Variants in TNRC6A observed in about 807,000 individuals in gnomAD.
TNRC6A encodes trinucleotide repeat containing adaptor 6A.
TNRC6A carries 44 observed loss-of-function variants against 221.2 expected under a neutral mutation model. The observed-to-expected ratio is 0.20, with a 90% CI of 0.16 to 0.26. The LOEUF is 0.26. TNRC6A is among the 10% of genes least tolerant of loss of function. The probability of loss-of-function intolerance (pLI) is 1.00; values close to 1 mark genes in which losing one functional copy is unlikely to be tolerated. For synonymous variants in TNRC6A, 847 were observed against 838.5 expected, an observed-to-expected ratio of 1.01 and a Z score of -0.18; for missense variants, 2,199 against 2,404.4, an observed-to-expected ratio of 0.91 and a Z score of 1.79.
rs1272300885 is a variant in TNRC6A, at chr16:24,636,838, T to C, written n.277-4046T>C. On this transcript the variant is annotated intron_variant and non_coding_transcript_variant, in intron 1 of 2. Coordinates refer to the TNRC6A transcript ENST00000566108. ...AGAAAGTTCAGATATTCCCTATTAA[T>C]AGATATTTCTGAACCTTTTTAACTT... Among the ~76,000 whole-genome samples, 4 of 152,326 alleles carry C rather than the reference T, an allele frequency of 2.6e-5. No individual in the cohort carries two copies. The East Asian group carries it at 7.7e-4, about 29-fold the overall frequency.
intron 2 of TNRC6A, among the ~76,000 whole-genome samples, chr16:24,745,530 G>T (rs2056986893): frequency 6.6e-6 from 1 of 152,212 alleles, no homozygotes; most frequent in Non-Finnish European, 1.5e-5. Context: ...ACATACAGCT[G>T]GCTTCTATGT....
chr16:24,625,395 C>A (rs1234704827), intron 1 of TNRC6A, among the ~76,000 whole-genome samples: 1 of 152,026 alleles, frequency 6.6e-6, no homozygotes, highest in Non-Finnish European at 1.5e-5. Context: ...GGGCGGATCA[C>A]AAGGTCAGGA....
At chr16:24,690,064 C>CA in intron 2 of TNRC6A, among the ~76,000 whole-genome samples, 1 of 144,740 alleles carries the variant, frequency 6.9e-6, no homozygotes, top group Non-Finnish European at 1.5e-5. Flanking sequence ...TTCTGTCACC[C>CA]AGGCTGGAAC....
Position 24,823,672 on chromosome 16 carries a change from C to G in TNRC6A, c.5754C>G (p.Leu1918=), listed in dbSNP as rs766058266. 1 of 1,611,228 alleles carries G rather than the reference C, an allele frequency of 6.2e-7. No homozygotes were observed. Among genetic ancestry groups the G allele is most frequent in the Non-Finnish European group, 8.5e-7 (1 of 1,178,110 alleles). ...GTGGAGACCTTCACGGCACTTCACTCTGGGGGACCCCGCATTATTCCACAA... is the reference window on the plus strand; with the variant it reads ...GTGGAGACCTTCACGGCACTTCACTGTGGGGGACCCCGCATTATTCCACAA... ...TNCGDLHGTS[L]WGTPHYSTSL... is the part of the protein sequence containing the mutation. Residue 1918 remains leucine, a synonymous_variant, in exon 25 of 25, where the codon CTC becomes CTG. Transcript: ENST00000395799. This position sits in a 1 kb window ranked among gnomAD's most constrained non-coding sequence, Gnocchi z 4.3.
chr16:24,636,701 A>G (rs913668520), intron 1 of TNRC6A, among the ~76,000 whole-genome samples: 3 of 152,158 alleles, frequency 2.0e-5, no homozygotes, highest in African/African-American at 7.2e-5. Flanking sequence ...AACTGTTTTG[A>G]CAGTAGTAAG....
intron 2 of TNRC6A, among the ~76,000 whole-genome samples, chr16:24,711,227 C>T (rs1013260318): frequency 5.9e-5 from 9 of 151,994 alleles, no homozygotes; most frequent in African/African-American, 2.2e-4. Context: ...AGGCTGGTCT[C>T]GAACTCCTGA....
intron 18 of TNRC6A, among the ~76,000 whole-genome samples, chr16:24,810,736 A>G (rs1168370558): frequency 2.0e-5 from 3 of 152,198 alleles, no homozygotes; most frequent in African/African-American, 7.2e-5. Flanking sequence ...GTGTGGTGCA[A>G]ATCATGGAAA....
chr16:24,744,703 G>A (rs1040863323), intron 2 of TNRC6A, among the ~76,000 whole-genome samples: 4 of 152,144 alleles, frequency 2.6e-5, no homozygotes, highest in Non-Finnish European at 2.9e-5. Context: ...CTTCCTAAGG[G>A]GAAGACATGC....
intron 5 of TNRC6A, 127 bp from the exon 6 acceptor site, chr16:24,789,105 G>A (rs2151857039): frequency 1.0e-6 from 1 of 957,634 alleles, no homozygotes; most frequent in Non-Finnish European, 1.5e-6. Flanking sequence ...ATTCTGCCAA[G>A]GATCATAGCT....
chr16:24,619,484 T>C (rs771198956), intron 1 of TNRC6A, among the ~76,000 whole-genome samples: 53 of 152,188 alleles, frequency 3.5e-4, no homozygotes, highest in Admixed American at 1.8e-3. Context: ...AGATACAATG[T>C]AGTAAATTAT....
In TNRC6A at chr16:24,820,283, C is replaced by T; in HGVS notation, c.5225C>T (p.Pro1742Leu). 2 of 1,614,144 alleles carry T rather than the reference C, an allele frequency of 1.2e-6. No homozygotes were observed. Among genetic ancestry groups the T allele is most frequent in the Non-Finnish European group, 8.5e-7 (1 of 1,180,034 alleles). The change falls in exon 22 of 25, where the codon CCA (proline) becomes CTA (leucine). Residue 1742 changes from proline (P) to leucine (L), a missense_variant. Pro to Leu is a moderately conservative substitution (Grantham distance 98, BLOSUM62 -3). This residue lies in a region of TNRC6A where 449 missense variants were observed against 579.7 expected (regional missense o/e 0.77). Coordinates refer to ENST00000395799, the MANE Select transcript of TNRC6A (RefSeq NM_014494.4). ...CCTCCGGGACTGACTGGTCAGAAGC[C>T]ACCCTTGTCTACGTGGGATAATTCT... The part of the protein sequence containing the change: ...RPPPGLTGQK[P>L]PLSTWDNSPL...
At chr16:24,657,062 C>T (rs1028276688) in intron 2 of TNRC6A, among the ~76,000 whole-genome samples, 3 of 151,910 alleles carry the variant, frequency 2.0e-5, no homozygotes, top group Admixed American at 2.0e-4. Flanking sequence ...CCTGTAATCC[C>T]AGCACTTTGG....
At chr16:24,726,621 C>G (rs1321664826), upstream of TNRC6A, among the ~76,000 whole-genome samples, 1 of 152,090 alleles carries the variant, frequency 6.6e-6, no homozygotes, top group Non-Finnish European at 1.5e-5. Context: ...GGAGGAGAGC[C>G]AGTGGAAGGT....
chr16:24,706,691 C>CAAAA (rs372757286), intron 2 of TNRC6A, among the ~76,000 whole-genome samples: 1 of 85,464 alleles, frequency 1.2e-5, no homozygotes, highest in Non-Finnish European at 2.4e-5. Context: ...GACTCTGTCT[C>CAAAA]AAAAAAAAAA....
chr16:24,617,877 A>C (rs796117910), intron 1 of TNRC6A, among the ~76,000 whole-genome samples: 1 of 152,000 alleles, frequency 6.6e-6, no homozygotes, highest in South Asian at 2.1e-4. Flanking sequence ...TATGCCTCTT[A>C]ATTTGAATTA....
At chr16:24,621,101 A>G (rs2141597201) in intron 1 of TNRC6A, among the ~76,000 whole-genome samples, 1 of 150,784 alleles carries the variant, frequency 6.6e-6, no homozygotes, top group South Asian at 2.1e-4. Context: ...AAAAAAAAAA[A>G]AAAAAGTGAA....
chr16:24,809,517 AAC>A (rs774466533), intron 18 of TNRC6A, 36 bp downstream of exon 18: 11 of 1,466,128 alleles, frequency 7.5e-6, no homozygotes, highest in South Asian at 2.8e-5. Context: ...AAAAAAAAAA[AAC>A]ACACACACCT....
chr16:24,666,239 C>T (rs1014455529), intron 2 of TNRC6A, among the ~76,000 whole-genome samples: 5 of 151,812 alleles, frequency 3.3e-5, no homozygotes, highest in South Asian at 4.2e-4. Flanking sequence ...GAGGCCAAGG[C>T]GGGTGGATCA....
intron 20 of TNRC6A, 52 bp from the exon 21 acceptor site, chr16:24,818,541 G>A: frequency 6.8e-7 from 1 of 1,467,372 alleles, no homozygotes; most frequent in Non-Finnish European, 9.5e-7. Context: ...TGCTTTTTCT[G>A]AACCTCCACG....
Sources: gnomAD v4.1 joint callset for allele counts (sites outside exome capture counted in the v4.1 genomes callset) on GRCh38, gnomAD v4.1.1 for gene constraint, gnomAD v4.1.1 regional missense constraint, Gnocchi (gnomAD v3.1) non-coding constraint, MANE v1.5 for transcripts, NCBI Gene and HGNC (gene_info 2026-07-23, HGNC 2026-07-21) for gene names.